Variants in DGKB observed in about 807,000 individuals in gnomAD.
DGKB encodes 90 kDa diacylglycerol kinase.
Under a neutral mutation model 114.3 loss-of-function variants are expected in DGKB, and 67 were observed. The ratio of observed to expected loss-of-function variants is 0.59; its 90% CI spans 0.48 to 0.72. The LOEUF (loss-of-function observed/expected upper bound fraction) is 0.72, where lower values mean the gene tolerates loss of function less well. DGKB is among the 30% of genes least tolerant of loss of function. DGKB has a pLI of 0.00. For synonymous variants in DGKB, 398 were observed against 323.1 expected (o/e 1.23, Z -2.49); for missense variants, 907 against 975.2 (o/e 0.93, Z 0.93).
In DGKB at chr7:14,489,230, A is replaced by T. The variant is rs191856199; in HGVS notation, c.1771-11005T>A. On this transcript the variant is annotated intron_variant, in intron 20 of 25. Transcript: ENST00000402815. ...CATTCCTCTTTCCCAATTAGAAAAC[A>T]ATGACAGGTATATAAACTTATATAG... Among the ~76,000 whole-genome samples, 121 of 152,292 alleles carry T rather than the reference A, an allele frequency of 7.9e-4. 1 individual carries two copies. Among genetic ancestry groups the T allele is most frequent in the Non-Finnish European group, 1.3e-3 (88 of 68,018 alleles).
chr7:14,567,135 A>G (rs1797520681), intron 20 of DGKB, among the ~76,000 whole-genome samples: 1 of 106,494 alleles, frequency 9.4e-6, no homozygotes, highest in Non-Finnish European at 1.8e-5. Context: ...ATATAATTAT[A>G]TGTTTATATA....
chr7:14,964,926 G>T (rs558082036), intron 1 of DGKB, among the ~76,000 whole-genome samples: 2 of 152,182 alleles, frequency 1.3e-5, no homozygotes, highest in East Asian at 1.9e-4. Flanking sequence ...ACCCAACAAT[G>T]ATTACAATTT....
At chr7:14,232,944 T>G (rs2128344395) in intron 23 of DGKB, among the ~76,000 whole-genome samples, 1 of 152,168 alleles carries the variant, frequency 6.6e-6, no homozygotes, top group Admixed American at 6.5e-5. Flanking sequence ...TCCAACAATT[T>G]TAAGTTCTTG....
chr7:14,614,268 G>A (rs955311091), intron 15 of DGKB, among the ~76,000 whole-genome samples: 4 of 152,088 alleles, frequency 2.6e-5, no homozygotes, highest in Non-Finnish European at 5.9e-5. Context: ...GTTGTTTTAC[G>A]TAGTGTGGGA....
chr7:14,458,232 AAAATTT>A (rs1428903176), intron 21 of DGKB, among the ~76,000 whole-genome samples: 1 of 152,220 alleles, frequency 6.6e-6, no homozygotes, highest in African/African-American at 2.4e-5. Flanking sequence ...AATTTCTTTT[AAAATTT>A]AAATTAAAAA....
At chr7:14,860,739 T>A (rs1019566568) in intron 1 of DGKB, among the ~76,000 whole-genome samples, 1 of 151,906 alleles carries the variant, frequency 6.6e-6, no homozygotes, top group African/African-American at 2.4e-5. Flanking sequence ...AATAAGAACC[T>A]CCTTGGCTTG....
intron 21 of DGKB, among the ~76,000 whole-genome samples, chr7:14,406,553 G>A (rs1823960681): frequency 6.6e-6 from 1 of 151,902 alleles, no homozygotes. Context: ...CCTGAAAAGT[G>A]GCTGTTATAT....
At chr7:14,425,397 T>C (rs1021428665) in intron 21 of DGKB, among the ~76,000 whole-genome samples, 1 of 152,162 alleles carries the variant, frequency 6.6e-6, no homozygotes, top group African/African-American at 2.4e-5. Flanking sequence ...AGTTGCTTTA[T>C]ATAGAAATCA....
At chr7:14,341,618 T>A (rs1435318493) in intron 22 of DGKB, among the ~76,000 whole-genome samples, 3 of 151,916 alleles carry the variant, frequency 2.0e-5, no homozygotes, top group Non-Finnish European at 4.4e-5. Context: ...TGTGATGCCA[T>A]TGTCTGCTCT....
rs537615776 is a variant in DGKB at position 14,520,737 on chromosome 7, A to G, written c.1771-42512T>C. 5.9e-5 allele frequency among the ~76,000 whole-genome samples: 9 copies of G among 152,160 alleles called. No individual in the cohort carries two copies. The East Asian group carries it at 1.7e-3, about 29-fold the overall frequency. On this transcript the variant is annotated intron_variant, in intron 20 of 25. Transcript: ENST00000402815. Reference sequence around the variant, plus strand: ...TTCATTGAGACTTGTTTTGTGAAACAGTAAATGGTTTCTAATAGAAAATGT... The same window carrying G: ...TTCATTGAGACTTGTTTTGTGAAACGGTAAATGGTTTCTAATAGAAAATGT...
At chr7:14,798,866 G>A (rs766173240) in intron 2 of DGKB, among the ~76,000 whole-genome samples, 3 of 152,202 alleles carry the variant, frequency 2.0e-5, no homozygotes, top group Non-Finnish European at 4.4e-5. Flanking sequence ...CCTATGGAAT[G>A]AGGGCTACTA....
intron 2 of DGKB, among the ~76,000 whole-genome samples, chr7:14,780,026 T>C (rs376091456): frequency 6.6e-6 from 1 of 152,298 alleles, no homozygotes. Flanking sequence ...GCTGGGTGCA[T>C]GGCCAGTTAA....
intron 23 of DGKB, among the ~76,000 whole-genome samples, chr7:14,285,594 G>T (rs1800749919): frequency 6.6e-6 from 1 of 152,166 alleles, no homozygotes; most frequent in Admixed American, 6.5e-5. Flanking sequence ...GTTGGGCTGG[G>T]CTCACTGAAG....
chr7:14,248,900 G>A (rs571293556), intron 23 of DGKB, among the ~76,000 whole-genome samples: 1 of 152,104 alleles, frequency 6.6e-6, no homozygotes, highest in East Asian at 1.9e-4. Flanking sequence ...TGTTGAGAGA[G>A]AGCAGTCTTG....
intron 20 of DGKB, among the ~76,000 whole-genome samples, chr7:14,528,441 CTA>C (rs1251075883): frequency 1.3e-5 from 2 of 152,006 alleles, no homozygotes; most frequent in Non-Finnish European, 2.9e-5. Flanking sequence ...AACAGGGTGA[CTA>C]TGTAATCAAA....
chr7:14,162,136 G>A (rs1327112940), intron 25 of DGKB, among the ~76,000 whole-genome samples: 2 of 152,094 alleles, frequency 1.3e-5, no homozygotes, highest in African/African-American at 4.8e-5. Flanking sequence ...CAAAATCGGA[G>A]ATCACAGAAA....
intron 13 of DGKB, among the ~76,000 whole-genome samples, chr7:14,660,113 T>C (rs1236115699): frequency 4.0e-5 from 6 of 151,472 alleles, no homozygotes; most frequent in Non-Finnish European, 7.4e-5. Flanking sequence ...AGCTTTTTGA[T>C]GTGCTGCTGG....
At chr7:14,179,587 A>G (rs1020096831) in intron 23 of DGKB, among the ~76,000 whole-genome samples, 1 of 152,190 alleles carries the variant, frequency 6.6e-6, no homozygotes, top group African/African-American at 2.4e-5. Context: ...CCATTTTAGC[A>G]TAGAGTTTAG....
At chr7:14,768,330 G>T (rs1181158502) in intron 2 of DGKB, among the ~76,000 whole-genome samples, 1 of 151,808 alleles carries the variant, frequency 6.6e-6, no homozygotes, top group Admixed American at 6.6e-5. Context: ...CCAGATCTTG[G>T]CTCTTAGATG....
Sources: allele counts gnomAD v4.1 joint callset (sites outside exome capture counted in the v4.1 genomes callset), GRCh38; gene constraint gnomAD v4.1.1; transcripts MANE v1.5; gene names NCBI Gene and HGNC (gene_info 2026-07-23, HGNC 2026-07-21).